Variants in DMD observed in about 807,000 individuals in gnomAD.
The protein encoded by DMD is dystrophin, also known as mutant dystrophin.
In DMD, 63 loss-of-function variants were observed where a neutral mutation model predicts 330.1. That is an observed-to-expected ratio of 0.19 (90% CI 0.16 to 0.24). The LOEUF is 0.24. DMD is among the 10% of genes least tolerant of loss of function. DMD has a pLI of 1.00. For synonymous variants in DMD, 1,223 were observed against 959.8 expected (o/e 1.27, Z -5.07); for missense variants, 3,344 against 2,684.1 (o/e 1.25, Z -5.43).
intron 63 of DMD, among the ~76,000 whole-genome samples, chrX:31,227,737 G>T (rs1241128623): frequency 1.8e-5 from 2 of 111,055 alleles, no homozygotes; most frequent in Non-Finnish European, 3.8e-5. Flanking sequence ...CATGAGCATG[G>T]AATGTTCTTC....
rs537928876 is a variant in DMD, at chrX:31,972,902, G to C, written c.6439-4388C>G. On this transcript the variant is annotated intron_variant, in intron 44 of 78. Transcript: ENST00000357033. ...AAGGTCATTCTCATTGTGTCTCTTC[G>C]TCAGTGCCAAGAATTCAGGAGTTTG... Among the ~76,000 whole-genome samples the C allele has an allele frequency of 1.4e-4, 15 of 111,034 alleles. No individual in the cohort carries two copies. In the South Asian group the frequency reaches 4.9e-3, roughly 36 times the overall value.
chrX:32,865,083 G>A (rs991697552), intron 2 of DMD, among the ~76,000 whole-genome samples: 1 of 111,427 alleles, frequency 9.0e-6, no homozygotes, highest in Admixed American at 9.6e-5. Flanking sequence ...TTTGCCAGTT[G>A]TGTGAACACT....
intron 44 of DMD, among the ~76,000 whole-genome samples, chrX:32,151,783 G>A (rs1322982948): frequency 9.0e-6 from 1 of 111,638 alleles, no homozygotes; most frequent in East Asian, 2.8e-4. Flanking sequence ...TATTTTATTA[G>A]GGTCTTGTTG....
chrX:31,659,691 T>C (rs1187022627), intron 53 of DMD, among the ~76,000 whole-genome samples: 1 of 95,947 alleles, frequency 1.0e-5, no homozygotes, highest in Non-Finnish European at 2.1e-5. Context: ...CGATGTTTAA[T>C]GCAGGGACAT....
intron 62 of DMD, among the ~76,000 whole-genome samples, chrX:31,315,083 T>G (rs894263739): frequency 8.9e-6 from 1 of 112,055 alleles, no homozygotes; most frequent in African/African-American, 3.2e-5. Context: ...GGGAACAGAA[T>G]AAGAAGCAAT....
At position 31,122,079 on chromosome X, in the gene DMD, A is replaced by AT. The variant is rs201776593; in HGVS notation, c.11047-150dup. ...TCGAGGGTGTACACAACAAGGTTTG[A>AT]TTTTTCACCAGTTTCCAGGAAGAAG... On this transcript the variant is annotated intron_variant, in intron 78 of 78. Transcript: ENST00000357033. The AT allele has an allele frequency of 0.012, 5,851 of 493,169 alleles. 239 individuals carry two copies. The highest frequency in any genetic ancestry group is 0.12 in the African/African-American group (4,986 of 42,222). 40.6% of individuals were successfully genotyped at this position (493,169 alleles called of 1,213,427 possible). A position where few individuals can be genotyped will look rare whatever the true frequency, so the allele number is the denominator to read the frequency against.
At chrX:32,999,799 C>CAAAAACAAAAACA (rs772516011) in intron 2 of DMD, among the ~76,000 whole-genome samples, 1 of 70,801 alleles carries the variant, frequency 1.4e-5, no homozygotes, top group East Asian at 5.8e-4. Context: ...AAAACAAAAA[C>CAAAAACAAAAACA]AAAAAACAAA....
At chrX:32,083,173 A>G (rs949405154) in intron 44 of DMD, among the ~76,000 whole-genome samples, 2 of 112,313 alleles carry the variant, frequency 1.8e-5, no homozygotes, top group African/African-American at 6.5e-5. Context: ...CCTTTCTATT[A>G]TTTTATGAAC....
chrX:31,126,057 A>C (rs2033617287), intron 78 of DMD, among the ~76,000 whole-genome samples: 1 of 111,525 alleles, frequency 9.0e-6, no homozygotes, highest in Admixed American at 9.5e-5. Flanking sequence ...TAATAAGAGT[A>C]CCTACCTCAC....
At chrX:32,081,011 G>C (rs1168500853) in intron 44 of DMD, among the ~76,000 whole-genome samples, 1 of 111,991 alleles carries the variant, frequency 8.9e-6, no homozygotes, top group Non-Finnish European at 1.9e-5. Context: ...CCCACGTCTT[G>C]ACAAATGCTC....
In DMD at chrX:31,932,151, C is replaced by G. The variant is rs2094863159; in HGVS notation, c.6691G>C (p.Asp2231His). 8.4e-7 allele frequency: 1 copy of G among 1,196,267 alleles called. No individual in the cohort carries two copies. The highest frequency in any genetic ancestry group is 1.8e-5 in the South Asian group (1 of 56,547). Residue 2231 changes from aspartate to histidine, a missense_variant, in exon 46 of 79, where the codon GAT (aspartate) becomes CAT (histidine). Coordinates refer to ENST00000357033, the MANE Select transcript of DMD (RefSeq NM_004006.3). Reference protein sequence around the residue: ...NEFVLWLEEADNIASIPLEPG... With the variant: ...NEFVLWLEEAHNIASIPLEPG... ...TCAAGTGGGATACTAGCAATGTTATCTGCTTCCTCCAACCATAAAACAAAT... is the reference window on the plus strand; with the variant it reads ...TCAAGTGGGATACTAGCAATGTTATGTGCTTCCTCCAACCATAAAACAAAT...
chrX:32,151,447 T>C (rs2096803132), intron 44 of DMD: 1 of 111,705 alleles, frequency 9.0e-6, no homozygotes, highest in South Asian at 3.8e-4. Flanking sequence ...AGTGACAAAG[T>C]GACAATCATC....
In DMD at chrX:31,356,861, C is replaced by T. The variant is rs140437897; in HGVS notation, c.9085-8227G>A. On this transcript the variant is annotated intron_variant, in intron 60 of 78. Transcript: ENST00000357033. ...TTGTCAAAATCTTTAGTTTTAATTA[C>T]ATCTACAGACTTATGAAAATTGTGA... Among the ~76,000 whole-genome samples the T allele has an allele frequency of 7.1e-3, 761 of 107,725 alleles. 9 individuals are homozygous for T. Among genetic ancestry groups the T allele is most frequent in the African/African-American group, 0.024 (717 of 29,712 alleles). 93.5% of individuals were successfully genotyped at this position (107,725 alleles called of 115,157 possible).
At chrX:31,502,048 C>A (rs6653852) in intron 56 of DMD, among the ~76,000 whole-genome samples, 1 of 110,738 alleles carries the variant, frequency 9.0e-6, no homozygotes, top group Non-Finnish European at 1.9e-5. Flanking sequence ...ACAAATGGTG[C>A]GGAAAAACTG....
chrX:33,012,173 C>T (rs895233362), intron 2 of DMD, among the ~76,000 whole-genome samples: 36 of 111,576 alleles, frequency 3.2e-4, no homozygotes, highest in African/African-American at 1.1e-3. Flanking sequence ...GTCTCACTAA[C>T]TGAGTAATAT....
chrX:32,164,908 G>C (rs148753193), intron 44 of DMD, among the ~76,000 whole-genome samples: 234 of 112,101 alleles, frequency 2.1e-3, no homozygotes, highest in African/African-American at 6.4e-3. Context: ...TGCTTCAGAG[G>C]GAGCAAGTCC....
chrX:31,762,857 G>T (rs2089715223), intron 51 of DMD, among the ~76,000 whole-genome samples: 1 of 112,005 alleles, frequency 8.9e-6, no homozygotes, highest in Admixed American at 9.4e-5. Context: ...GATTGTTTTT[G>T]CATCGATGCA....
intron 15 of DMD, among the ~76,000 whole-genome samples, chrX:32,567,899 A>G (rs2051926601): frequency 8.9e-6 from 1 of 111,783 alleles, no homozygotes; most frequent in African/African-American, 3.3e-5. Flanking sequence ...CAATATACAC[A>G]AAGACACAAA....
chrX:32,651,547 G>A (rs759726074), intron 9 of DMD, among the ~76,000 whole-genome samples: 6 of 111,764 alleles, frequency 5.4e-5, no homozygotes, highest in Admixed American at 2.9e-4. Context: ...TCTTCATTAC[G>A]TTGCTGAGTA....
Sources: allele counts gnomAD v4.1 joint callset (sites outside exome capture counted in the v4.1 genomes callset), GRCh38; gene constraint gnomAD v4.1.1; transcripts MANE v1.5; gene names NCBI Gene and HGNC (gene_info 2026-07-23, HGNC 2026-07-21).